Variants in C1orf185 observed in about 807,000 individuals in gnomAD.
C1orf185 encodes the protein uncharacterized protein C1orf185.
C1orf185 carries 13 observed loss-of-function variants against 16.1 expected under a neutral mutation model. The observed-to-expected ratio is 0.81, with a 90% CI of 0.53 to 1.28. The LOEUF is 1.28. Ranked by LOEUF, C1orf185 falls within the 50% of genes most tolerant of loss-of-function variation. C1orf185 has a pLI of 0.00. For missense variants in C1orf185, 220 were observed against 225.2 expected (o/e 0.98, Z 0.15); for synonymous variants, 80 against 76.9 (o/e 1.04, Z -0.21).
chr1:51,131,024 T>G (rs1174045070), intron 3 of C1orf185, among the ~76,000 whole-genome samples: 1 of 152,202 alleles, frequency 6.6e-6, no homozygotes, highest in African/African-American at 2.4e-5. Flanking sequence ...TGCCTCAGCC[T>G]CCCAAGTAGC....
chr1:51,123,586 T>C (rs1344592685), intron 3 of C1orf185, among the ~76,000 whole-genome samples: 3 of 152,148 alleles, frequency 2.0e-5, no homozygotes, highest in Non-Finnish European at 4.4e-5. Flanking sequence ...AATAAGAAAG[T>C]GCCAATTTTT....
chr1:51,134,112 C>A (rs1300662886), intron 3 of C1orf185, among the ~76,000 whole-genome samples: 1 of 152,032 alleles, frequency 6.6e-6, no homozygotes, highest in Non-Finnish European at 1.5e-5. Flanking sequence ...TCAGCAAATG[C>A]AAAAGAACAG....
At chr1:51,145,944 T>C (rs1646396093) in intron 4 of C1orf185, among the ~76,000 whole-genome samples, 184 bp downstream of exon 4, 1 of 152,260 alleles carries the variant, frequency 6.6e-6, no homozygotes, top group South Asian at 2.1e-4. Context: ...AAACTTGCAA[T>C]ATCGTATCTT....
chr1:51,144,466 C>A (rs1304809110), intron 3 of C1orf185, among the ~76,000 whole-genome samples: 1 of 152,166 alleles, frequency 6.6e-6, no homozygotes, highest in Non-Finnish European at 1.5e-5. Context: ...AATCCCAGCA[C>A]TTTGGGAGGC....
intron 4 of C1orf185, 28 bp from the exon 5 acceptor site, chr1:51,147,439 A>G (rs1170766620): frequency 1.4e-6 from 2 of 1,456,988 alleles, no homozygotes; most frequent in African/African-American, 2.9e-5. Context: ...GTGAATATAT[A>G]ATATTCATAG....
intron 2 of C1orf185, among the ~76,000 whole-genome samples, chr1:51,114,987 C>G (rs1570294354): frequency 6.6e-6 from 1 of 152,176 alleles, no homozygotes; most frequent in African/African-American, 2.4e-5. Flanking sequence ...TCTATCACCA[C>G]AGATTAATTT....
chr1:51,145,497 A>G (rs1057207295), intron 3 of C1orf185, among the ~76,000 whole-genome samples: 3 of 152,116 alleles, frequency 2.0e-5, no homozygotes, highest in Non-Finnish European at 2.9e-5. Flanking sequence ...GTTATTCCTT[A>G]TTCTGGAGAC....
At chr1:51,118,441 A>G (rs1168449485) in intron 2 of C1orf185, among the ~76,000 whole-genome samples, 2 of 152,246 alleles carry the variant, frequency 1.3e-5, no homozygotes, top group Non-Finnish European at 2.9e-5. Context: ...ACATTTCATG[A>G]ATAAAATAAA....
At chr1:51,145,588 AT>A in intron 3 of C1orf185, 135 bp from the exon 4 acceptor site, 1 of 430,350 alleles carries the variant, frequency 2.3e-6, no homozygotes, top group Non-Finnish European at 4.0e-6. Context: ...GGTGAAAGAA[AT>A]TCATACTGTG....
At chr1:51,110,528 C>CA (rs60379371) in intron 1 of C1orf185, among the ~76,000 whole-genome samples, 11,622 of 152,090 alleles carry the variant, frequency 0.076, 1,327 homozygotes, top group African/African-American at 0.25. Flanking sequence ...ATGGAAATGA[C>CA]AAAATCTTTA....
chr1:51,105,719 G>A (rs1448814489), intron 1 of C1orf185, among the ~76,000 whole-genome samples: 1 of 152,100 alleles, frequency 6.6e-6, no homozygotes, highest in Non-Finnish European at 1.5e-5. Context: ...ATTGAAAGTG[G>A]GGAGTTACTT....
chr1:51,146,545 A>G (rs72692282), intron 4 of C1orf185, among the ~76,000 whole-genome samples: 2,395 of 152,226 alleles, frequency 0.016, 24 homozygotes, highest in Middle Eastern at 0.034. Flanking sequence ...AAATGTTATA[A>G]AAGGTATTAT....
chr1:51,106,155 G>A (rs566675117), intron 1 of C1orf185, among the ~76,000 whole-genome samples: 2 of 152,016 alleles, frequency 1.3e-5, no homozygotes, highest in Non-Finnish European at 2.9e-5. Context: ...TATAGAAGGT[G>A]CTACAAGGAG....
At chr1:51,131,281 T>C (rs561169753) in intron 3 of C1orf185, among the ~76,000 whole-genome samples, 1 of 152,332 alleles carries the variant, frequency 6.6e-6, no homozygotes, top group African/African-American at 2.4e-5. Context: ...GTTCCAGTAT[T>C]ATTTGTTGAA....
At chr1:51,135,500 T>C (rs983682191) in intron 3 of C1orf185, among the ~76,000 whole-genome samples, 1 of 152,100 alleles carries the variant, frequency 6.6e-6, no homozygotes, top group African/African-American at 2.4e-5. Context: ...GATCACACCA[T>C]TGCACTCCAG....
intron 3 of C1orf185, among the ~76,000 whole-genome samples, chr1:51,127,910 T>C (rs1646253844): frequency 7.0e-6 from 1 of 143,304 alleles, no homozygotes; most frequent in African/African-American, 2.6e-5. Flanking sequence ...TTTTTTGAGA[T>C]AGAGTCTCGC....
intron 1 of C1orf185, among the ~76,000 whole-genome samples, chr1:51,109,051 G>T (rs985554764): frequency 8.5e-5 from 13 of 152,090 alleles, no homozygotes; most frequent in Admixed American, 2.0e-4. Context: ...AGTCTATAAG[G>T]GTTCCCCTTT....
chr1:51,128,311 T>G (rs2148022141), intron 3 of C1orf185, among the ~76,000 whole-genome samples: 1 of 152,344 alleles, frequency 6.6e-6, no homozygotes, highest in Non-Finnish European at 1.5e-5. Flanking sequence ...CTTATTTCAC[T>G]CCCACCAGCA....
intron 4 of C1orf185, among the ~76,000 whole-genome samples, chr1:51,146,407 C>T (rs900976564): frequency 1.4e-5 from 2 of 147,192 alleles, no homozygotes; most frequent in African/African-American, 2.5e-5. Context: ...TGCAGTGAGT[C>T]GAGACTGCAC....
Sources: allele counts gnomAD v4.1 joint callset (sites outside exome capture counted in the v4.1 genomes callset), GRCh38; gene constraint gnomAD v4.1.1; transcripts MANE v1.5; gene names NCBI Gene and HGNC (gene_info 2026-07-23, HGNC 2026-07-21).